GABRG3: variants seen among roughly 807,000 people sequenced by gnomAD.
The protein encoded by GABRG3 is gamma-aminobutyric acid type A receptor subunit gamma3, also known as gamma-aminobutyric acid receptor subunit gamma-3.
In GABRG3, 25 loss-of-function variants were observed where a neutral mutation model predicts 48.8. The observed-to-expected ratio is 0.51, with a 90% CI of 0.37 to 0.72. GABRG3 has a LOEUF of 0.72. Ranked by LOEUF, GABRG3 falls within the 30% of genes least tolerant of loss-of-function variation. The pLI, the probability that GABRG3 is intolerant of heterozygous loss-of-function variation, is 0.00. For synonymous variants in GABRG3, 227 were observed against 217.6 expected, an observed-to-expected ratio of 1.04 and a Z score of -0.38; for missense variants, 394 against 577.9, an observed-to-expected ratio of 0.68 and a Z score of 3.26.
At chr15:27,175,667 G>A (rs1247105842) in intron 3 of GABRG3, among the ~76,000 whole-genome samples, 1 of 152,196 alleles carries the variant, frequency 6.6e-6, no homozygotes, top group African/African-American at 2.4e-5. Context: ...CAAAGCAAAT[G>A]GTAAATGGTA....
At chr15:27,323,784 C>A (rs1422627267) in intron 3 of GABRG3, among the ~76,000 whole-genome samples, 1 of 152,182 alleles carries the variant, frequency 6.6e-6, no homozygotes, top group East Asian at 1.9e-4. Context: ...TTCCCTCCTT[C>A]CCCACTCTAT....
At chr15:27,113,713 G>A (rs1241001225) in intron 3 of GABRG3, among the ~76,000 whole-genome samples, 2 of 151,020 alleles carry the variant, frequency 1.3e-5, no homozygotes, top group Admixed American at 6.6e-5. Context: ...AGTGAAATAA[G>A]TTTTACCAAA....
At chr15:27,307,942 CAT>C (rs1163318336) in intron 3 of GABRG3, among the ~76,000 whole-genome samples, 58 of 129,290 alleles carry the variant, frequency 4.5e-4, no homozygotes, top group African/African-American at 9.5e-4. Flanking sequence ...TGTATATAAA[CAT>C]ATATGTAAAA....
chr15:26,998,741 G>A (rs937719677), intron 2 of GABRG3, among the ~76,000 whole-genome samples: 1 of 152,170 alleles, frequency 6.6e-6, no homozygotes, highest in Non-Finnish European at 1.5e-5. Context: ...GGGAGGCTTT[G>A]CTGTGTTGAC....
chr15:27,293,187 T>C (rs60495823), intron 3 of GABRG3, among the ~76,000 whole-genome samples: 11,577 of 152,168 alleles, frequency 0.076, 1,445 homozygotes, highest in African/African-American at 0.26. Flanking sequence ...CCAAAGATGA[T>C]GGTGGATGAG....
At chr15:27,390,631 T>A (rs555767991) in intron 5 of GABRG3, among the ~76,000 whole-genome samples, 3 of 152,294 alleles carry the variant, frequency 2.0e-5, no homozygotes, top group Non-Finnish European at 2.9e-5. Context: ...CCCATCTATG[T>A]TGGTGTCCTA....
chr15:27,097,940 C>T (rs1361398273), intron 3 of GABRG3, among the ~76,000 whole-genome samples: 3 of 141,798 alleles, frequency 2.1e-5, no homozygotes, highest in Non-Finnish European at 4.6e-5. Flanking sequence ...ATCTATTATT[C>T]TTTTTTTTTT....
At chr15:27,466,055 T>TA (rs1889598854) in intron 5 of GABRG3, among the ~76,000 whole-genome samples, 1 of 152,186 alleles carries the variant, frequency 6.6e-6, no homozygotes, top group Admixed American at 6.5e-5. Context: ...GAGCTGAGGC[T>TA]AAACAACCTG....
chr15:27,229,644 T>G (rs1475116077), intron 3 of GABRG3, among the ~76,000 whole-genome samples: 1 of 152,058 alleles, frequency 6.6e-6, no homozygotes, highest in Non-Finnish European at 1.5e-5. Context: ...GCCCGGCTAA[T>G]TTTTGCATTT....
At chr15:27,038,896 C>T (rs1376777456) in intron 3 of GABRG3, among the ~76,000 whole-genome samples, 1 of 152,192 alleles carries the variant, frequency 6.6e-6, no homozygotes, top group Non-Finnish European at 1.5e-5. Flanking sequence ...CCACTCTCCC[C>T]TCCCGGGTGG....
At chr15:27,518,195 C>CAAAAAAAAAAAAAAAAAAAAAAAAAAA (rs58222645) in intron 6 of GABRG3, among the ~76,000 whole-genome samples, 9 of 88,022 alleles carry the variant, frequency 1.0e-4, no homozygotes, top group African/African-American at 3.8e-4. Context: ...ACTAAAAATA[C>CAAAAAAAAAAAAAAAAAAAAAAAAAAA]AAAAAAAAAA....
intron 5 of GABRG3, among the ~76,000 whole-genome samples, chr15:27,407,288 G>T (rs779502334): frequency 6.6e-6 from 1 of 152,168 alleles, no homozygotes; most frequent in Non-Finnish European, 1.5e-5. Flanking sequence ...ACTGGAATGG[G>T]CAAAATCCGG....
Position 27,306,795 on chromosome 15 carries a change from A to C in GABRG3, c.271-20014A>C, listed in dbSNP as rs1238824923. 1.5e-4 allele frequency among the ~76,000 whole-genome samples: 16 copies of C among 105,730 alleles called. 1 individual carries two copies. Among genetic ancestry groups the C allele is most frequent in the African/African-American group, 6.4e-4 (16 of 24,814 alleles). The allele number at this position is 105,730 out of a possible 152,430, so 69.4% of individuals were successfully genotyped here. On this transcript the variant is annotated intron_variant, in intron 3 of 9. Transcript: ENST00000615808. Reference sequence around the variant, plus strand: ...ACAATATAAACATGTTTATATATAAACATACAATATAAACATGTTTATATA... The same window carrying C: ...ACAATATAAACATGTTTATATATAACCATACAATATAAACATGTTTATATA...
chr15:27,278,511 T>C (rs996971297), intron 3 of GABRG3, among the ~76,000 whole-genome samples: 4 of 152,156 alleles, frequency 2.6e-5, no homozygotes, highest in African/African-American at 9.7e-5. Flanking sequence ...ACACCACTAA[T>C]GTGTGCTCCA....
At chr15:27,024,603 C>G (rs1428672220) in intron 2 of GABRG3, among the ~76,000 whole-genome samples, 1 of 152,204 alleles carries the variant, frequency 6.6e-6, no homozygotes, top group East Asian at 1.9e-4. Context: ...TGTGAAAGAT[C>G]ATTTGTCAGG....
At chr15:26,993,767 C>G (rs1394022617) in intron 2 of GABRG3, among the ~76,000 whole-genome samples, 2 of 151,920 alleles carry the variant, frequency 1.3e-5, no homozygotes, top group Admixed American at 6.6e-5. Context: ...GATTTTCTGT[C>G]TGGGAGATCT....
intron 3 of GABRG3, among the ~76,000 whole-genome samples, chr15:27,203,064 A>G (rs753205578): frequency 6.6e-6 from 1 of 152,034 alleles, no homozygotes. Context: ...CTTTTATTTT[A>G]GGTTCAAAGG....
intron 3 of GABRG3, among the ~76,000 whole-genome samples, chr15:27,264,275 AT>A (rs1483699028): frequency 6.6e-6 from 1 of 152,112 alleles, no homozygotes; most frequent in Non-Finnish European, 1.5e-5. Flanking sequence ...ATAAAAAAAA[AT>A]CAAACTCTAA....
At chr15:27,440,368 A>G (rs1377787552) in intron 5 of GABRG3, among the ~76,000 whole-genome samples, 2 of 152,224 alleles carry the variant, frequency 1.3e-5, no homozygotes, top group Admixed American at 6.5e-5. Context: ...TGAGGTCTTC[A>G]TCAGTGAACC....
Sources: gnomAD v4.1 joint callset for allele counts (sites outside exome capture counted in the v4.1 genomes callset) on GRCh38, gnomAD v4.1.1 for gene constraint, MANE v1.5 for transcripts, NCBI Gene and HGNC (gene_info 2026-07-23, HGNC 2026-07-21) for gene names.